Variants in TENT2 observed in about 807,000 individuals in gnomAD.
The protein encoded by TENT2 is terminal nucleotidyltransferase 2, also known as poly(A) RNA polymerase GLD2.
TENT2 carries 44 observed loss-of-function variants against 72.2 expected under a neutral mutation model. The observed-to-expected ratio is 0.61, with a 90% confidence interval of 0.48 to 0.78. TENT2 has a LOEUF of 0.78. TENT2 is among the 30% of genes least tolerant of loss of function. TENT2 has a pLI of 0.00. For synonymous variants in TENT2, 212 were observed against 192.5 expected (o/e 1.10, Z -0.84); for missense variants, 541 against 569.6 (o/e 0.95, Z 0.51).
chr5:79,679,478 T>TC, intron 12 of TENT2, 101 bp from the exon 13 acceptor site: 1 of 645,962 alleles, frequency 1.5e-6, no homozygotes, highest in Non-Finnish European at 2.4e-6. Flanking sequence ...GTTTCAGTGT[T>TC]CCACAAGAAA....
At chr5:79,638,733 C>T (rs11957848) in intron 4 of TENT2, among the ~76,000 whole-genome samples, 30,856 of 152,068 alleles carry the variant, frequency 0.2, 4,620 homozygotes, top group African/African-American at 0.42. Flanking sequence ...ATTTGTCCCA[C>T]TCCTGAGTAT....
intron 14 of TENT2, among the ~76,000 whole-genome samples, chr5:79,682,445 A>G (rs896176020): frequency 6.7e-6 from 1 of 148,694 alleles, no homozygotes; most frequent in Non-Finnish European, 1.5e-5. Context: ...ACACCCAGCT[A>G]ATTTTTTTTT....
intron 14 of TENT2, among the ~76,000 whole-genome samples, chr5:79,683,923 CAAAAAAAAAAAAAAAAAAA>C (rs761567083): frequency 2.4e-5 from 1 of 41,560 alleles, no homozygotes; most frequent in Admixed American, 3.5e-4. Context: ...GACTCCGTCT[CAAAAAAAAAAAAAAAAAAA>C]AAAAAAAAAA....
chr5:79,618,806 C>T (rs1762492056), intron 1 of TENT2, among the ~76,000 whole-genome samples: 1 of 152,110 alleles, frequency 6.6e-6, no homozygotes, highest in African/African-American at 2.4e-5. Flanking sequence ...GATGGACTCC[C>T]AAGTATTATT....
At chr5:79,614,797 TA>T (rs1309368877) in intron 1 of TENT2, among the ~76,000 whole-genome samples, 5 of 152,086 alleles carry the variant, frequency 3.3e-5, no homozygotes, top group African/African-American at 7.3e-5. Flanking sequence ...ACAGTCTCTT[TA>T]AAAAAATGAT....
At position 79,649,136 on chromosome 5, in the gene TENT2, C is replaced by T. The variant is rs759269207; in HGVS notation, c.973C>T (p.Arg325Cys). The change falls in exon 10 of 15, where the codon CGT becomes TGT. Residue 325 changes from arginine (R) to cysteine (C), a missense_variant. Coordinates refer to ENST00000453514, the MANE Select transcript of TENT2 (RefSeq NM_001114394.3). Reference sequence around the variant, plus strand: ...TCACCATCAGATAAATGATGCCAGTCGTGGTACTTTAAGCAGCTATAGTCT... The same window carrying T: ...TCACCATCAGATAAATGATGCCAGTTGTGGTACTTTAAGCAGCTATAGTCT... The part of the protein sequence containing the change: ...ASHHQINDAS[R>C]GTLSSYSLVL... 3.1e-6 allele frequency: 5 copies of T among 1,613,376 alleles called. No homozygotes were observed. The highest frequency in any genetic ancestry group is 1.3e-5 in the African/African-American group (1 of 75,002).
chr5:79,678,544 A>AT (rs2150894201), intron 12 of TENT2, among the ~76,000 whole-genome samples: 1 of 152,348 alleles, frequency 6.6e-6, no homozygotes, highest in East Asian at 1.9e-4. Flanking sequence ...TAACTGTTAG[A>AT]TAAACCTTTT....
intron 3 of TENT2, among the ~76,000 whole-genome samples, chr5:79,622,294 C>T (rs1234795059): frequency 6.6e-6 from 1 of 151,636 alleles, no homozygotes; most frequent in African/African-American, 2.4e-5. Context: ...GAGGAAGACT[C>T]TGTCTCAAAA....
chr5:79,660,122 T>C (rs1457939167), intron 11 of TENT2, among the ~76,000 whole-genome samples: 2 of 152,232 alleles, frequency 1.3e-5, no homozygotes, highest in East Asian at 3.9e-4. Context: ...TTTTCAAAAT[T>C]TATAACATTT....
intron 1 of TENT2, among the ~76,000 whole-genome samples, chr5:79,617,781 C>A (rs1761503417): frequency 6.6e-6 from 1 of 152,152 alleles, no homozygotes. Flanking sequence ...GTCATGAGTC[C>A]ATGTCCTGTG....
At chr5:79,623,227 A>C in intron 3 of TENT2, 25 bp from the exon 4 acceptor site, 1 of 1,511,680 alleles carries the variant, frequency 6.6e-7, no homozygotes, top group South Asian at 1.2e-5. Flanking sequence ...ATCTTTAATT[A>C]CTAAGGTATA....
At chr5:79,676,445 C>A (rs906966095) in intron 12 of TENT2, among the ~76,000 whole-genome samples, 4 of 152,072 alleles carry the variant, frequency 2.6e-5, no homozygotes, top group Non-Finnish European at 5.9e-5. Flanking sequence ...ATTAGCCAGG[C>A]ATGGTGGTGG....
At chr5:79,678,329 T>G (rs1818899409) in intron 12 of TENT2, among the ~76,000 whole-genome samples, 1 of 152,146 alleles carries the variant, frequency 6.6e-6, no homozygotes, top group Admixed American at 6.5e-5. Flanking sequence ...AGAAATTCTC[T>G]TTTTGATAAA....
intron 8 of TENT2, among the ~76,000 whole-genome samples, chr5:79,646,405 G>A (rs976518152): frequency 2.6e-5 from 4 of 152,126 alleles, no homozygotes; most frequent in African/African-American, 9.7e-5. Context: ...CTAACCCTGT[G>A]CTTACCCTAG....
intron 11 of TENT2, among the ~76,000 whole-genome samples, chr5:79,667,793 A>G (rs1347744598): frequency 6.6e-6 from 1 of 152,090 alleles, no homozygotes; most frequent in Non-Finnish European, 1.5e-5. Context: ...CAATTTCTCT[A>G]CTACCATTAT....
At chr5:79,622,669 A>C (rs1307843296) in intron 3 of TENT2, among the ~76,000 whole-genome samples, 4 of 152,158 alleles carry the variant, frequency 2.6e-5, no homozygotes, top group Non-Finnish European at 4.4e-5. Flanking sequence ...CCTACAAAAC[A>C]AGGCTTTTCT....
Position 79,687,399 on chromosome 5 carries a change from C to T in TENT2, c.*2126C>T, listed in dbSNP as rs2151058893. Among the ~76,000 whole-genome samples, 1 of 152,154 alleles carries T rather than the reference C, an allele frequency of 6.6e-6. No homozygotes were observed. Among genetic ancestry groups the T allele is most frequent in the East Asian group, 1.9e-4 (1 of 5,184 alleles). On this transcript the variant is annotated 3_prime_UTR_variant, in exon 15 of 15. Transcript: ENST00000453514. The stretch of plus-strand genomic sequence containing the variant: ...CCTCAGTATATTGAGGGATTGATTC[C>T]AGGTCAACCCCGTCCTCTTCAGATA...
At chr5:79,627,228 A>G (rs1771051277) in intron 4 of TENT2, among the ~76,000 whole-genome samples, 1 of 151,828 alleles carries the variant, frequency 6.6e-6, no homozygotes, top group Admixed American at 6.6e-5. Context: ...AAAGCTCTCT[A>G]TTTTTACTTG....
intron 12 of TENT2, among the ~76,000 whole-genome samples, chr5:79,669,600 A>G (rs1487540705): frequency 6.6e-6 from 1 of 152,094 alleles, no homozygotes; most frequent in Non-Finnish European, 1.5e-5. Flanking sequence ...TGGAGTTAGG[A>G]GTTACTTGCA....
Sources: gnomAD v4.1 joint callset for allele counts (sites outside exome capture counted in the v4.1 genomes callset) on GRCh38, gnomAD v4.1.1 for gene constraint, MANE v1.5 for transcripts, NCBI Gene and HGNC (gene_info 2026-07-23, HGNC 2026-07-21) for gene names.